Variants in PTGFRN observed in about 807,000 individuals in gnomAD.
PTGFRN encodes prostaglandin F2 receptor inhibitor, also known as prostaglandin F2 receptor negative regulator.
PTGFRN carries 35 observed loss-of-function variants against 83.2 expected under a neutral mutation model. That is an observed-to-expected ratio of 0.42 (90% CI 0.32 to 0.56). PTGFRN has a LOEUF of 0.56. PTGFRN is among the 20% of genes least tolerant of loss of function. The probability of loss-of-function intolerance (pLI) is 0.11; values close to 1 mark genes in which losing one functional copy is unlikely to be tolerated. For synonymous variants in PTGFRN, 519 were observed against 498.6 expected (o/e 1.04, Z -0.55); for missense variants, 1,051 against 1,179.5 (o/e 0.89, Z 1.60).
At chr1:116,942,190 TC>T in intron 2 of PTGFRN, 107 bp downstream of exon 2, 2 of 1,382,330 alleles carry the variant, frequency 1.4e-6, no homozygotes, top group Non-Finnish European at 2.0e-6. Flanking sequence ...CTCTGCTCCC[TC>T]CTCTGTCCAG....
chr1:116,940,002 C>A (rs921157835), intron 1 of PTGFRN, among the ~76,000 whole-genome samples: 20 of 152,306 alleles, frequency 1.3e-4, no homozygotes, highest in African/African-American at 4.8e-4. Context: ...TTGTCGTTAT[C>A]AGGCTTTTGG....
At position 116,937,110 on chromosome 1, in the gene PTGFRN, ATGTC is replaced by A. The variant is rs761670553; in HGVS notation, c.50-4602_50-4599del. Among the ~76,000 whole-genome samples, 60 of 152,264 alleles carry A rather than the reference ATGTC, an allele frequency of 3.9e-4. 1 individual carries two copies. The highest frequency in any genetic ancestry group is 3.4e-3 in the Middle Eastern group (1 of 294). ...GCTGGTGAAGGAGCTAGTGGGATGA[ATGTC>A]TGAGAGTGTCCTGGGTTGAGGAAAT... On this transcript the variant is annotated intron_variant, in intron 1 of 8. Transcript: ENST00000393203.
At chr1:116,929,609 T>G (rs981103226) in intron 1 of PTGFRN, among the ~76,000 whole-genome samples, 1 of 152,218 alleles carries the variant, frequency 6.6e-6, no homozygotes, top group Non-Finnish European at 1.5e-5. Context: ...CTTCAATCAC[T>G]GTCTCTTCGT....
At chr1:116,938,232 G>T (rs866299671) in intron 1 of PTGFRN, among the ~76,000 whole-genome samples, 2 of 152,314 alleles carry the variant, frequency 1.3e-5, no homozygotes, top group African/African-American at 4.8e-5. Flanking sequence ...AGTAGGCTGG[G>T]CATGGTGGCT....
At position 116,944,730 on chromosome 1, in the gene PTGFRN, T is replaced by G; in HGVS notation, c.470T>G (p.Leu157Arg). The G allele has an allele frequency of 6.8e-7, 1 of 1,472,714 alleles. No individual in the cohort carries two copies. The highest frequency in any genetic ancestry group is 8.9e-7 in the Non-Finnish European group (1 of 1,120,034). The allele number at this position is 1,472,714 out of a possible 1,614,324, so 91.2% of individuals were successfully genotyped here. The change falls in exon 3 of 9, where the codon CTG (leucine) becomes CGG (arginine). Residue 157 changes from leucine to arginine, a missense_variant. Leu to Arg is a moderately radical substitution (Grantham distance 102, BLOSUM62 -2). This residue lies in a region of PTGFRN where 205 missense variants were observed against 174.5 expected (regional missense o/e 1.17). Transcript: ENST00000393203. ...VGPSARPPPS[L>R]SLREGEPFEL... The stretch of plus-strand genomic sequence containing the variant: ...CCCAGCGCGCGGCCCCCGCCGAGCC[T>G]GAGCCTGCGGGAGGGGGAGCCCTTC...
chr1:116,948,737 A>G (rs949495164), intron 3 of PTGFRN, among the ~76,000 whole-genome samples: 3 of 152,242 alleles, frequency 2.0e-5, no homozygotes, highest in East Asian at 1.9e-4. Context: ...ACAGTCTTCA[A>G]TAGACTGCTT....
chr1:116,963,639 A>T (rs1482276657), intron 5 of PTGFRN, among the ~76,000 whole-genome samples: 1 of 152,072 alleles, frequency 6.6e-6, no homozygotes, highest in East Asian at 1.9e-4. Context: ...ACAGTGTCTC[A>T]CTCTGTTGCC....
At chr1:116,950,912 A>C (rs1473769969) in intron 4 of PTGFRN, among the ~76,000 whole-genome samples, 1 of 152,192 alleles carries the variant, frequency 6.6e-6, no homozygotes, top group Non-Finnish European at 1.5e-5. Flanking sequence ...ACTGAACTGG[A>C]ACAATGTTGG....
At chr1:116,974,491 G>C (rs540366041) in intron 7 of PTGFRN, 168 bp downstream of exon 7, 1 of 499,790 alleles carries the variant, frequency 2.0e-6, no homozygotes, top group Non-Finnish European at 3.5e-6. Context: ...AATACATGTT[G>C]AGTGGATGCA....
chr1:116,985,677 C>T (rs894514793), intron 8 of PTGFRN, among the ~76,000 whole-genome samples: 1 of 150,410 alleles, frequency 6.6e-6, no homozygotes, highest in Admixed American at 6.6e-5. Flanking sequence ...CATTGCACTC[C>T]AGCCCAGGCG....
chr1:116,951,063 C>T (rs370299068), intron 4 of PTGFRN, among the ~76,000 whole-genome samples: 6 of 152,170 alleles, frequency 3.9e-5, no homozygotes, highest in Non-Finnish European at 8.8e-5. Context: ...AATCCCAGCA[C>T]TGGCTCTCCG....
rs1239464337 is a variant in PTGFRN at position 116,918,262 on chromosome 1, T to C, written c.49+8010T>C. ...TCAGCCTTTCATTTGAATCCTGTCT[T>C]CCCTCAGTGTGAACCTTGGACAGGT... is the stretch of plus-strand genomic sequence containing the variant. On this transcript the variant is annotated intron_variant, in intron 1 of 8. Coordinates refer to ENST00000393203, the MANE Select transcript of PTGFRN (RefSeq NM_020440.4). This position sits in a 1 kb window ranked among gnomAD's most constrained non-coding sequence, Gnocchi z 4.1. 6.6e-6 allele frequency among the ~76,000 whole-genome samples: 1 copy of C among 152,248 alleles called. No individual in the cohort carries two copies. The highest frequency in any genetic ancestry group is 1.5e-5 in the Non-Finnish European group (1 of 68,046).
intron 1 of PTGFRN, among the ~76,000 whole-genome samples, chr1:116,927,455 C>G (rs1386473051): frequency 6.6e-6 from 1 of 150,786 alleles, no homozygotes; most frequent in Non-Finnish European, 1.5e-5. Flanking sequence ...ATGATCCAGT[C>G]TTGAAGAAGT....
At chr1:116,913,849 A>C (rs981912630) in intron 1 of PTGFRN, among the ~76,000 whole-genome samples, 1 of 152,248 alleles carries the variant, frequency 6.6e-6, no homozygotes, top group Non-Finnish European at 1.5e-5. Context: ...CTAGTGCAAC[A>C]TAAATTGGAG....
chr1:116,977,110 T>G (rs1651179504), intron 7 of PTGFRN, among the ~76,000 whole-genome samples: 1 of 150,346 alleles, frequency 6.7e-6, no homozygotes, highest in African/African-American at 2.4e-5. Flanking sequence ...CCAACAAAGA[T>G]CAAAAGAGAC....
intron 1 of PTGFRN, among the ~76,000 whole-genome samples, chr1:116,915,268 G>A (rs1429043151): frequency 6.6e-6 from 1 of 152,226 alleles, no homozygotes; most frequent in Non-Finnish European, 1.5e-5. Flanking sequence ...TACACTTCCT[G>A]AAGGGAAGGG....
rs1476092736 is a variant in PTGFRN, at chr1:116,923,852, C to G, written c.49+13600C>G. Among the ~76,000 whole-genome samples the G allele has an allele frequency of 6.6e-6, 1 of 152,050 alleles. No homozygotes were observed. ...CCACTATTTATTATCTGCCCCATGTCGAGCATTATTCTGGATCTGGGGGCA... is the reference window on the plus strand; with the variant it reads ...CCACTATTTATTATCTGCCCCATGTGGAGCATTATTCTGGATCTGGGGGCA... On this transcript the variant is annotated intron_variant, in intron 1 of 8. Transcript: ENST00000393203. This position sits in a 1 kb window ranked among gnomAD's most constrained non-coding sequence, Gnocchi z 4.0.
chr1:116,914,838 G>A (rs1331587797), intron 1 of PTGFRN, among the ~76,000 whole-genome samples: 3 of 147,466 alleles, frequency 2.0e-5, no homozygotes, highest in Non-Finnish European at 4.6e-5. Context: ...TCTGCATACT[G>A]AGTATTTTGT....
At chr1:116,946,587 TATA>T (rs1219003389) in intron 3 of PTGFRN, among the ~76,000 whole-genome samples, 1 of 152,230 alleles carries the variant, frequency 6.6e-6, no homozygotes, top group Non-Finnish European at 1.5e-5. Flanking sequence ...CCATGAGACC[TATA>T]ATATCTAGCT....
Sources: gnomAD v4.1 joint callset for allele counts (sites outside exome capture counted in the v4.1 genomes callset) on GRCh38, gnomAD v4.1.1 for gene constraint, gnomAD v4.1.1 regional missense constraint, Gnocchi (gnomAD v3.1) non-coding constraint, MANE v1.5 for transcripts, NCBI Gene and HGNC (gene_info 2026-07-23, HGNC 2026-07-21) for gene names.